The following COA1 variants were observed in gnomAD, a reference collection of about 807,000 sequenced individuals.
COA1 encodes cytochrome c oxidase assembly factor 1, also known as cytochrome c oxidase assembly factor 1 homolog.
A neutral mutation model predicts 16.0 loss-of-function variants in COA1; 13 were observed. The ratio of observed to expected loss-of-function variants is 0.81; its 90% CI spans 0.53 to 1.29. The LOEUF (loss-of-function observed/expected upper bound fraction) is 1.29, where lower values mean the gene tolerates loss of function less well. Ranked by LOEUF, COA1 falls within the 50% of genes most tolerant of loss-of-function variation. COA1 has a pLI of 0.00. For missense variants in COA1, 179 were observed against 177.0 expected (o/e 1.01, Z -0.06); for synonymous variants, 65 against 65.7 (o/e 0.99, Z 0.05).
At chr7:43,717,555 G>C (rs899923280) in intron 1 of COA1, among the ~76,000 whole-genome samples, 2 of 152,232 alleles carry the variant, frequency 1.3e-5, no homozygotes, top group African/African-American at 4.8e-5. Flanking sequence ...CTTATAGGCA[G>C]AAGGGACTTG....
At chr7:43,707,287 G>A (rs1003622879) in intron 1 of COA1, among the ~76,000 whole-genome samples, 15 of 152,226 alleles carry the variant, frequency 9.9e-5, no homozygotes, top group African/African-American at 3.6e-4. Context: ...AAAGGCATAT[G>A]CAAATACTTA....
intron 1 of COA1, among the ~76,000 whole-genome samples, chr7:43,686,171 A>G (rs1054795439): frequency 6.6e-6 from 1 of 152,264 alleles, no homozygotes; most frequent in Non-Finnish European, 1.5e-5. Flanking sequence ...TTCATTTTGA[A>G]TAAAATTTCA....
chr7:43,728,321 TA>T (rs769770398), intron 1 of COA1, among the ~76,000 whole-genome samples: 4 of 149,896 alleles, frequency 2.7e-5, no homozygotes, highest in Non-Finnish European at 4.4e-5. Flanking sequence ...GAAGCTGTTT[TA>T]TTTTTTTAAA....
intron 6 of COA1, chr7:43,625,753 CAGAGAG>C (rs3832501): frequency 4.1e-4 from 61 of 149,630 alleles, no homozygotes; most frequent in South Asian, 3.4e-3. Context: ...TCCCCTAGAG[CAGAGAG>C]AGAGAGAGAG....
chr7:43,664,103 A>AGAGAGAGAGAGAGAGAG lies in COA1; in HGVS notation c.-38-15452_-38-15451insCTCTCTCTCTCTCTCTC, dbSNP rs2092695982. ...GAATCATTTAGTATTTGTCTTTAGA[A>AGAGAGAGAGAGAGAGAG]AGAGAGAGAGAGAGAGAGAGAGAGA... On this transcript the variant is annotated intron_variant, in intron 1 of 5. Coordinates refer to ENST00000223336, the MANE Select transcript of COA1 (RefSeq NM_018224.4). 5.2e-5 allele frequency among the ~76,000 whole-genome samples: 7 copies of AGAGAGAGAGAGAGAGAG among 135,230 alleles called. No homozygotes were observed. In the East Asian group the frequency reaches 6.4e-4, roughly 12 times the overall value. 88.7% of individuals were successfully genotyped at this position (135,230 alleles called of 152,430 possible).
chr7:43,725,699 A>G (rs2095603232), intron 1 of COA1, among the ~76,000 whole-genome samples: 1 of 152,018 alleles, frequency 6.6e-6, no homozygotes, highest in Admixed American at 6.6e-5. Context: ...CTCTACTATA[A>G]AACAAAAAAA....
At chr7:43,727,681 T>C (rs1034534636) in intron 1 of COA1, among the ~76,000 whole-genome samples, 2 of 152,360 alleles carry the variant, frequency 1.3e-5, no homozygotes, top group Non-Finnish European at 1.5e-5. Context: ...CAATTCATAG[T>C]TGCTTAGGGC....
chr7:43,677,493 C>CA (rs1359766416), intron 1 of COA1, among the ~76,000 whole-genome samples: 3 of 152,214 alleles, frequency 2.0e-5, no homozygotes, highest in East Asian at 3.9e-4. Context: ...ATATCCTTGA[C>CA]AAAAAATTGT....
At chr7:43,636,003 CT>C (rs1482837533), downstream of COA1, among the ~76,000 whole-genome samples, 1 of 152,012 alleles carries the variant, frequency 6.6e-6, no homozygotes, top group African/African-American at 2.4e-5. Flanking sequence ...AAAAAGTTTC[CT>C]TAAAAAAATT....
chr7:43,642,016 AC>A (rs1214760535), intron 4 of COA1: 1 of 152,198 alleles, frequency 6.6e-6, no homozygotes. Context: ...GGAGTATCCC[AC>A]CCATTCCAAG....
intron 1 of COA1, among the ~76,000 whole-genome samples, chr7:43,691,301 GAAAGAAAGAAAGAAAGAAAGAAAGAA>G (rs2094300818): frequency 1.1e-5 from 1 of 93,614 alleles, no homozygotes; most frequent in Non-Finnish European, 2.1e-5. Flanking sequence ...AAGAAAGAAA[GAAAGAAAGAAAGAAAGAAAGAAAGAA>G]AGAGAAAGAG....
At chr7:43,727,482 C>T (rs2095640257) in intron 1 of COA1, among the ~76,000 whole-genome samples, 1 of 152,118 alleles carries the variant, frequency 6.6e-6, no homozygotes, top group African/African-American at 2.4e-5. Context: ...CGTCCACTAA[C>T]TAATGGAAAA....
chr7:43,646,602 C>G (rs1188361051), intron 3 of COA1: 1 of 456,624 alleles, frequency 2.2e-6, no homozygotes, highest in Non-Finnish European at 4.4e-6. Context: ...AAGGCTGTCA[C>G]ACCAGAAAGC....
intron 1 of COA1, among the ~76,000 whole-genome samples, chr7:43,705,946 A>G (rs1299415863): frequency 6.6e-6 from 1 of 151,966 alleles, no homozygotes; most frequent in Non-Finnish European, 1.5e-5. Flanking sequence ...CTCCCCTTTC[A>G]GCCTGGTATC....
chr7:43,672,928 G>A (rs1204481753), intron 1 of COA1, among the ~76,000 whole-genome samples: 1 of 152,174 alleles, frequency 6.6e-6, no homozygotes, highest in African/African-American at 2.4e-5. Context: ...AGGACTCCCT[G>A]TTCAATTAAT....
At chr7:43,651,050 TTAGG>T (rs1322584749) in intron 1 of COA1, among the ~76,000 whole-genome samples, 2 of 152,100 alleles carry the variant, frequency 1.3e-5, no homozygotes, top group African/African-American at 4.8e-5. Context: ...TCAAAGAGTG[TTAGG>T]TAGCCCCCGA....
At chr7:43,680,321 A>G (rs966066967) in intron 1 of COA1, among the ~76,000 whole-genome samples, 1 of 151,700 alleles carries the variant, frequency 6.6e-6, no homozygotes, top group Non-Finnish European at 1.5e-5. Context: ...GGAGGAGAGC[A>G]TAAGAAATGT....
chr7:43,698,194 T>C (rs991270706), intron 1 of COA1, among the ~76,000 whole-genome samples: 1 of 152,188 alleles, frequency 6.6e-6, no homozygotes, highest in African/African-American at 2.4e-5. Context: ...TCATAGACAA[T>C]ATGAAAAACA....
downstream of COA1, among the ~76,000 whole-genome samples, chr7:43,634,920 G>T (rs2085610538): frequency 6.6e-6 from 1 of 152,140 alleles, no homozygotes; most frequent in Non-Finnish European, 1.5e-5. Context: ...TCGATGCTGT[G>T]TTATTCCTTG....
Sources: gnomAD v4.1 joint callset for allele counts (sites outside exome capture counted in the v4.1 genomes callset) on GRCh38, gnomAD v4.1.1 for gene constraint, MANE v1.5 for transcripts, NCBI Gene and HGNC (gene_info 2026-07-23, HGNC 2026-07-21) for gene names.